CSMD2: variants seen among roughly 807,000 people sequenced by gnomAD.
The protein encoded by CSMD2 is CUB and Sushi multiple domains 2.
CSMD2 carries 130 observed loss-of-function variants against 398.5 expected under a neutral mutation model. That is an observed-to-expected ratio of 0.33 (90% CI 0.28 to 0.38). The LOEUF (loss-of-function observed/expected upper bound fraction) is 0.38, where lower values mean the gene tolerates loss of function less well. CSMD2 is among the 10% of genes least tolerant of loss of function. The pLI, the probability that CSMD2 is intolerant of heterozygous loss-of-function variation, is 1.00. For missense variants in CSMD2, 3,829 were observed against 4,764.9 expected (o/e 0.80, Z 5.78); for synonymous variants, 1,828 against 1,908.5 (o/e 0.96, Z 1.10).
At chr1:33,898,972 G>A (rs535223953) in intron 5 of CSMD2, among the ~76,000 whole-genome samples, 1 of 152,198 alleles carries the variant, frequency 6.6e-6, no homozygotes, top group Non-Finnish European at 1.5e-5. Context: ...ACTCTTCCTG[G>A]TCGGTGCAAA....
At chr1:33,676,626 C>A (rs573875652) in intron 25 of CSMD2, among the ~76,000 whole-genome samples, 41 of 152,068 alleles carry the variant, frequency 2.7e-4, no homozygotes, top group Admixed American at 5.2e-4. Context: ...GTTCATATGG[C>A]ATCAAAAAAG....
chr1:33,780,976 G>A (rs987403900), intron 12 of CSMD2, among the ~76,000 whole-genome samples: 3 of 152,198 alleles, frequency 2.0e-5, no homozygotes, highest in Admixed American at 6.5e-5. Context: ...GAGGAAAGGC[G>A]GTGTCCTAGA....
At chr1:33,763,641 C>T (rs141175625) in intron 13 of CSMD2, among the ~76,000 whole-genome samples, 3 of 152,290 alleles carry the variant, frequency 2.0e-5, no homozygotes, top group South Asian at 2.1e-4. Flanking sequence ...GAGCCTCCTT[C>T]GTGAGCCATC....
At chr1:33,982,173 G>A (rs1384213429) in intron 3 of CSMD2, among the ~76,000 whole-genome samples, 1 of 152,152 alleles carries the variant, frequency 6.6e-6, no homozygotes, top group Non-Finnish European at 1.5e-5. Context: ...GGAGAGATCA[G>A]TGGCCAAAAT....
At position 33,992,976 on chromosome 1, in the gene CSMD2, G is replaced by A. The variant is rs190730699; in HGVS notation, c.517+39618C>T. Among the ~76,000 whole-genome samples, 1,002 of 151,772 alleles carry A rather than the reference G, an allele frequency of 6.6e-3. 8 individuals are homozygous for A. The highest frequency in any genetic ancestry group is 0.023 in the African/African-American group (964 of 41,406). ...TAGAGAAAGAGCTCTAAAGACATATGACATGAAAAAAAGCAAGTTTCAGAA... is the reference window on the plus strand; with the variant it reads ...TAGAGAAAGAGCTCTAAAGACATATAACATGAAAAAAAGCAAGTTTCAGAA... On this transcript the variant is annotated intron_variant, in intron 3 of 70. Transcript: ENST00000373381.
At chr1:33,626,672 G>T in intron 32 of CSMD2, 91 bp from the exon 33 acceptor site, 1 of 817,344 alleles carries the variant, frequency 1.2e-6, no homozygotes. Context: ...GGGGCTGCCA[G>T]TACCCCATGC....
At chr1:34,120,631 G>A (rs1411901161) in intron 1 of CSMD2, among the ~76,000 whole-genome samples, 1 of 152,130 alleles carries the variant, frequency 6.6e-6, no homozygotes, top group Non-Finnish European at 1.5e-5. Flanking sequence ...TGCACTCTCC[G>A]CCTCCCAGGT....
At chr1:33,824,769 A>G (rs563620544) in intron 7 of CSMD2, among the ~76,000 whole-genome samples, 1 of 152,266 alleles carries the variant, frequency 6.6e-6, no homozygotes, top group African/African-American at 2.4e-5. Context: ...ACGATGGAGC[A>G]GAAAGTGGCA....
chr1:33,946,706 C>T lies in CSMD2; in HGVS notation c.518-10752G>A, dbSNP rs12562234. On this transcript the variant is annotated intron_variant, in intron 3 of 70. Transcript: ENST00000373381. ...TAATCTTGGCTCACTGCAACCTTCA[C>T]CTCCCAGGTTCAAGCGAGTCTCCTG... 8.0e-3 allele frequency among the ~76,000 whole-genome samples: 1,212 copies of T among 151,768 alleles called. 46 individuals are homozygous for T. In the East Asian group the frequency reaches 0.1, roughly 13 times the overall value.
chr1:33,601,009 C>A lies in CSMD2; in HGVS notation c.6712G>T (p.Asp2238Tyr), dbSNP rs1640179788. 6.2e-7 allele frequency: 1 copy of A among 1,614,150 alleles called. No homozygotes were observed. Among genetic ancestry groups the A allele is most frequent in the Non-Finnish European group, 8.5e-7 (1 of 1,180,030 alleles). ...EPSGDFITIWDGPQQTAPRLG... is the reference protein window; with the variant it reads ...EPSGDFITIWYGPQQTAPRLG... ...CGTGGTGCTGTTTGCTGTGGCCCAT[C>A]CCTGTACACAGGAAACAAGGTCCTG... The change falls in exon 44 of 71, where the codon GAT becomes TAT. Residue 2238 changes from aspartate (D) to tyrosine (Y), a missense_variant and splice_region_variant. Asp to Tyr is a radical substitution (Grantham distance 160, BLOSUM62 -3). Transcript: ENST00000373381.
chr1:34,122,962 T>G (rs1018087168), intron 1 of CSMD2, among the ~76,000 whole-genome samples: 2 of 152,190 alleles, frequency 1.3e-5, no homozygotes, highest in Non-Finnish European at 2.9e-5. Context: ...CCTCATGAAA[T>G]TCTCCCAAGA....
In CSMD2 at chr1:33,586,614, T is replaced by C. The variant is rs1557579687; in HGVS notation, c.6941A>G (p.Asp2314Gly). The C allele has an allele frequency of 6.2e-7, 1 of 1,606,836 alleles. No homozygotes were observed. Among genetic ancestry groups the C allele is most frequent in the East Asian group, 2.2e-5 (1 of 44,802 alleles). Residue 2314 changes from aspartate to glycine, a missense_variant, in exon 46 of 71, where the codon GAC becomes GGC. Physicochemically the swap from Asp to Gly is moderately conservative, Grantham distance 94. Coordinates refer to ENST00000373381, the MANE Select transcript of CSMD2 (RefSeq NM_001281956.2). ...VTENEEFNIG[D>G]IVRYRCLPGF... is the part of the protein sequence containing the mutation. The stretch of plus-strand genomic sequence containing the variant: ...AGGGAGGCATCTGTAGCGTACGATG[T>C]CACCTGTCAAAGAAAGACCAACATG...
chr1:33,758,519 A>G (rs1291665384), intron 13 of CSMD2, among the ~76,000 whole-genome samples: 1 of 152,240 alleles, frequency 6.6e-6, no homozygotes, highest in Non-Finnish European at 1.5e-5. Context: ...ACTACAAAGA[A>G]TTTGCTGTAT....
At chr1:33,698,727 T>C (rs1382893947) in intron 24 of CSMD2, 26 bp downstream of exon 24, 2 of 1,597,478 alleles carry the variant, frequency 1.3e-6, no homozygotes, top group South Asian at 2.3e-5. Flanking sequence ...ACCCAAGGGT[T>C]CCCTGCAGAG....
At chr1:34,129,562 G>A (rs568348864) in intron 1 of CSMD2, among the ~76,000 whole-genome samples, 59 of 152,312 alleles carry the variant, frequency 3.9e-4, no homozygotes, top group Admixed American at 3.7e-3. Context: ...TGAGGCAGGA[G>A]AATGGCATGA....
At chr1:33,663,640 C>G (rs1250144870) in intron 25 of CSMD2, among the ~76,000 whole-genome samples, 1 of 152,150 alleles carries the variant, frequency 6.6e-6, no homozygotes, top group Non-Finnish European at 1.5e-5. Flanking sequence ...GTAGGCCTGG[C>G]TTAGATAATC....
chr1:33,924,933 T>C (rs758110638), intron 4 of CSMD2, among the ~76,000 whole-genome samples: 1 of 152,196 alleles, frequency 6.6e-6, no homozygotes, highest in Non-Finnish European at 1.5e-5. Context: ...GAGTTACTTG[T>C]ACATTCTGGA....
At chr1:33,644,661 T>G (rs1407325906) in intron 29 of CSMD2, among the ~76,000 whole-genome samples, 1 of 152,098 alleles carries the variant, frequency 6.6e-6, no homozygotes, top group African/African-American at 2.4e-5. Context: ...AGGGTACTGA[T>G]GAGAATATGA....
At chr1:33,524,096 T>C (rs1438468194) in intron 66 of CSMD2, among the ~76,000 whole-genome samples, 1 of 152,242 alleles carries the variant, frequency 6.6e-6, no homozygotes. Context: ...CTGTTTTCTT[T>C]CTTATGAATG....
Sources: allele counts gnomAD v4.1 joint callset (sites outside exome capture counted in the v4.1 genomes callset), GRCh38; gene constraint gnomAD v4.1.1; transcripts MANE v1.5; gene names NCBI Gene and HGNC (gene_info 2026-07-23, HGNC 2026-07-21).